Variants in MYO9B observed in about 807,000 individuals in gnomAD.
MYO9B encodes myosin IXB, also known as unconventional myosin-IXb.
In MYO9B, 71 loss-of-function variants were observed where a neutral mutation model predicts 229.5. That is an observed-to-expected ratio of 0.31 (90% CI 0.26 to 0.38). The LOEUF (loss-of-function observed/expected upper bound fraction) is 0.38. Among genes scored for constraint, MYO9B ranks in the 10% least tolerant of loss-of-function variants. MYO9B has a pLI of 1.00. For synonymous variants in MYO9B, 1,185 were observed against 1,235.8 expected (o/e 0.96, Z 0.86); for missense variants, 2,255 against 2,920.5 (o/e 0.77, Z 5.25).
At chr19:17,170,267 A>G (rs1009872877) in intron 11 of MYO9B, among the ~76,000 whole-genome samples, 1 of 151,980 alleles carries the variant, frequency 6.6e-6, no homozygotes, top group African/African-American at 2.4e-5. Flanking sequence ...CATCTTAACT[A>G]ATTACATCTC....
chr19:17,135,964 G>A (rs967817259), intron 2 of MYO9B, among the ~76,000 whole-genome samples: 5 of 152,084 alleles, frequency 3.3e-5, no homozygotes, highest in Non-Finnish European at 7.4e-5. Flanking sequence ...CCCTGACTCA[G>A]AGAGAGACCC....
At chr19:17,109,225 C>A (rs536785346) in intron 2 of MYO9B, among the ~76,000 whole-genome samples, 1 of 151,918 alleles carries the variant, frequency 6.6e-6, no homozygotes, top group East Asian at 1.9e-4. Context: ...ACCACCACAC[C>A]CAGCTAATTT....
intron 1 of MYO9B, among the ~76,000 whole-genome samples, chr19:17,087,241 G>A (rs2057591773): frequency 6.6e-6 from 1 of 152,222 alleles, no homozygotes; most frequent in East Asian, 1.9e-4. Context: ...CTTGGGCCAC[G>A]GGGAGGCGGG....
At chr19:17,092,423 G>A (rs2057646589) in intron 1 of MYO9B, among the ~76,000 whole-genome samples, 1 of 152,206 alleles carries the variant, frequency 6.6e-6, no homozygotes, top group Non-Finnish European at 1.5e-5. Context: ...AGTGTTTTGT[G>A]TACAAGCATA....
In MYO9B at chr19:17,177,201, A is replaced by C. The variant is rs891612375; in HGVS notation, c.2219+1460A>C. ...GGGTGACAGAGCAAGACTCTGTCTC[A>C]AAAAAAAGTTTTTGGAATCACCTTT... On this transcript the variant is annotated intron_variant, in intron 14 of 39. Transcript: ENST00000682292. Among the ~76,000 whole-genome samples, 47 of 151,992 alleles carry C rather than the reference A, an allele frequency of 3.1e-4. 1 individual carries two copies. The highest frequency in any genetic ancestry group is 1.1e-3 in the African/African-American group (46 of 41,468).
chr19:17,149,877 C>T (rs2072457890), intron 3 of MYO9B, among the ~76,000 whole-genome samples: 1 of 152,232 alleles, frequency 6.6e-6, no homozygotes, highest in African/African-American at 2.4e-5. Flanking sequence ...GATGCCAGAC[C>T]TGCAGATGCA....
At chr19:17,181,067 A>T (rs1285301374) in intron 15 of MYO9B, 27 bp downstream of exon 15, 1 of 1,515,500 alleles carries the variant, frequency 6.6e-7, no homozygotes, top group Non-Finnish European at 9.1e-7. Flanking sequence ...GGCCCTGCTT[A>T]CAAGTGCGAC....
In MYO9B at chr19:17,191,140, A is replaced by T. The variant is rs559786605; in HGVS notation, c.2732A>T (p.Gln911Leu). The T allele has an allele frequency of 6.2e-7, 1 of 1,612,798 alleles. No individual in the cohort carries two copies. The highest frequency in any genetic ancestry group is 1.3e-5 in the African/African-American group (1 of 75,014). The change falls in exon 20 of 40, where the codon CAG (glutamine) becomes CTG (leucine). Residue 911 changes from glutamine to leucine, a missense_variant. This residue lies in a region of MYO9B where 679 missense variants were observed against 770.2 expected (regional missense o/e 0.88). Coordinates refer to ENST00000682292, the MANE Select transcript of MYO9B (RefSeq NM_004145.4). ...QFQVLLPKDA[Q>L]PCREVISTLL... Reference sequence around the variant, plus strand: ...CAGGTGCTCCTGCCCAAGGATGCCCAGCCCTGCAGGGAGGTCATCTCCACC... The same window carrying T: ...CAGGTGCTCCTGCCCAAGGATGCCCTGCCCTGCAGGGAGGTCATCTCCACC...
chr19:17,181,573 ACT>A (rs2072861185), intron 15 of MYO9B, among the ~76,000 whole-genome samples: 1 of 151,840 alleles, frequency 6.6e-6, no homozygotes, highest in Non-Finnish European at 1.5e-5. Context: ...TGGGGTAATG[ACT>A]CTCATGCTTC....
intron 2 of MYO9B, 35 bp downstream of exon 2, chr19:17,102,592 G>T (rs1450796596): frequency 1.3e-6 from 2 of 1,508,048 alleles, no homozygotes; most frequent in African/African-American, 1.4e-5. Flanking sequence ...GTGGGAGGGG[G>T]CATTTGTTTG....
chr19:17,152,150 G>C (rs1318514483), intron 3 of MYO9B, among the ~76,000 whole-genome samples: 1 of 146,488 alleles, frequency 6.8e-6, no homozygotes, highest in Non-Finnish European at 1.5e-5. Flanking sequence ...TCACGTCATT[G>C]CACTCCAGCC....
intron 11 of MYO9B, among the ~76,000 whole-genome samples, chr19:17,169,801 C>T (rs1302095990): frequency 1.6e-5 from 2 of 123,706 alleles, no homozygotes; most frequent in African/African-American, 7.2e-5. Flanking sequence ...CCTGTCTCCT[C>T]CTTTTTTTTT....
intron 2 of MYO9B, among the ~76,000 whole-genome samples, chr19:17,118,984 G>A (rs979068664): frequency 2.0e-5 from 3 of 152,090 alleles, no homozygotes; most frequent in East Asian, 1.9e-4. Flanking sequence ...GCCTGGACCC[G>A]TTCTCGGCAC....
chr19:17,103,336 A>T (rs1487639717), intron 2 of MYO9B: 1 of 152,280 alleles, frequency 6.6e-6, no homozygotes, highest in Non-Finnish European at 1.5e-5. Context: ...AAAGAAGAGG[A>T]TGCAATGCCA....
At chr19:17,194,029 G>A (rs1181088454) in intron 21 of MYO9B, among the ~76,000 whole-genome samples, 1 of 152,052 alleles carries the variant, frequency 6.6e-6, no homozygotes. Context: ...AAAATTTGCC[G>A]GGCTTGGTGG....
Position 17,192,992 on chromosome 19 carries a change from C to T in MYO9B, c.3058C>T (p.Leu1020Phe), listed in dbSNP as rs780483137. 17 of 1,511,550 alleles carry T rather than the reference C, an allele frequency of 1.1e-5. No individual in the cohort carries two copies. In the African/African-American group the frequency reaches 2.3e-4, roughly 21 times the overall value. The allele number at this position is 1,511,550 out of a possible 1,614,324, so 93.6% of individuals were successfully genotyped here. The change falls in exon 21 of 40, where the codon CTC becomes TTC. Residue 1020 changes from leucine to phenylalanine, a missense_variant. Leu to Phe is a conservative substitution (Grantham distance 22, BLOSUM62 0). Around this residue, in one of 7 missense-constraint regions of MYO9B, gnomAD observed 679 missense variants for 770.2 expected, o/e 0.88. Transcript: ENST00000682292. The part of the protein sequence containing the change: ...ASWRGYWQRK[L>F]YRHQKQSIIR... ...ATGGAGGGGCTACTGGCAGCGGAAG[C>T]TCTACCGGCACCAGAAACAGAGCAT...
chr19:17,200,573 C>A, intron 25 of MYO9B, 66 bp from the exon 26 acceptor site: 1 of 1,528,060 alleles, frequency 6.5e-7, no homozygotes, highest in South Asian at 1.2e-5. Flanking sequence ...AAAGGCGTGC[C>A]ATAGGAGGTC....
chr19:17,139,050 G>A (rs562809197), intron 2 of MYO9B, among the ~76,000 whole-genome samples: 8 of 152,174 alleles, frequency 5.3e-5, no homozygotes, highest in African/African-American at 1.7e-4. Context: ...GGTGGCTCGC[G>A]CCTGTAGTCC....
intron 2 of MYO9B, among the ~76,000 whole-genome samples, chr19:17,117,757 G>A (rs1478038544): frequency 6.6e-6 from 1 of 151,832 alleles, no homozygotes; most frequent in East Asian, 1.9e-4. Context: ...GGCCAACATG[G>A]TGAAACCCCA....
Sources: allele counts gnomAD v4.1 joint callset (sites outside exome capture counted in the v4.1 genomes callset), GRCh38; gene constraint gnomAD v4.1.1; regional missense constraint gnomAD v4.1.1; transcripts MANE v1.5; gene names NCBI Gene and HGNC (gene_info 2026-07-23, HGNC 2026-07-21).